Variants in INSL6 observed in about 807,000 individuals in gnomAD.
The protein encoded by INSL6 is insulin like 6, also known as insulin-like peptide INSL6.
Under a neutral mutation model 9.4 loss-of-function variants are expected in INSL6, and 16 were observed. The ratio of observed to expected loss-of-function variants is 1.70; its 90% confidence interval spans 1.15 to 2.59. The LOEUF (loss-of-function observed/expected upper bound fraction) is 2.59, where lower values mean the gene tolerates loss of function less well. Ranked by LOEUF, INSL6 falls within the 30% of genes most tolerant of loss-of-function variation. The probability of loss-of-function intolerance (pLI) is 0.00; values close to 1 mark genes in which losing one functional copy is unlikely to be tolerated. For missense variants in INSL6, 391 were observed against 257.3 expected, an observed-to-expected ratio of 1.52 and a Z score of -3.56; for synonymous variants, 154 against 96.9, an observed-to-expected ratio of 1.59 and a Z score of -3.46.
the INSL6 span, among the ~76,000 whole-genome samples, chr9:5,064,284 C>G: frequency 2.0e-5 from 3 of 152,160 alleles, no homozygotes; most frequent in African/African-American, 7.2e-5. Flanking sequence ...AACCCCAACA[C>G]TTTGGGAGAC....
the INSL6 span, among the ~76,000 whole-genome samples, chr9:5,042,201 A>G: frequency 1.5e-4 from 21 of 143,906 alleles, no homozygotes; most frequent in Non-Finnish European, 2.7e-4. Flanking sequence ...GCAGTGGCGC[A>G]ATCTCGGCTC....
At chr9:5,090,591 T>C in the INSL6 span, 5 of 1,551,866 alleles carry the variant, frequency 3.2e-6, no homozygotes, top group African/African-American at 5.5e-5. Context: ...TCCTGATTAT[T>C]TGCTGTAGAT....
At chr9:5,040,393 G>GC in the INSL6 span, among the ~76,000 whole-genome samples, 1 of 152,004 alleles carries the variant, frequency 6.6e-6, no homozygotes, top group African/African-American at 2.4e-5. Flanking sequence ...CTTAGATTAG[G>GC]CAGTGGTTTC....
the INSL6 span, chr9:5,107,851 A>C: frequency 6.6e-6 from 1 of 152,186 alleles, no homozygotes; most frequent in Non-Finnish European, 1.5e-5. Context: ...GTGAAGCCGC[A>C]GTGGGCCTTG....
chr9:5,127,351 C>T (rs183352264), intron 3 of INSL6: 490 of 231,860 alleles, frequency 2.1e-3, no homozygotes, highest in African/African-American at 0.01. Flanking sequence ...TCATTTATAT[C>T]GCTGGCCAGC....
the INSL6 span, among the ~76,000 whole-genome samples, chr9:5,057,505 T>C: frequency 1.3e-5 from 2 of 151,876 alleles, no homozygotes; most frequent in African/African-American, 2.4e-5. Context: ...TCTTGCAAAA[T>C]TGAAGTCTAC....
At chr9:5,013,620 C>G in the INSL6 span, among the ~76,000 whole-genome samples, 202 of 152,262 alleles carry the variant, frequency 1.3e-3, 1 homozygote, top group African/African-American at 4.0e-3. Flanking sequence ...ATGCTTTTCT[C>G]CCTGCCAATA....
chr9:5,179,026 T>A (rs1825382367), intron 1 of INSL6, among the ~76,000 whole-genome samples: 1 of 137,374 alleles, frequency 7.3e-6, no homozygotes, highest in Admixed American at 7.2e-5. Context: ...TTAATTAAAC[T>A]AAAGGGCTTC....
chr9:5,098,788 G>C, the INSL6 span: 2 of 151,816 alleles, frequency 1.3e-5, no homozygotes, highest in African/African-American at 4.8e-5. Context: ...CTGCCTCCCG[G>C]GTTCACGCCA....
chr9:5,009,333 A>G, the INSL6 span, among the ~76,000 whole-genome samples: 2 of 152,188 alleles, frequency 1.3e-5, no homozygotes, highest in Admixed American at 6.5e-5. Context: ...AATATCCACA[A>G]AATTGTGTAT....
At chr9:5,027,803 A>G in the INSL6 span, among the ~76,000 whole-genome samples, 1 of 152,202 alleles carries the variant, frequency 6.6e-6, no homozygotes, top group South Asian at 2.1e-4. Flanking sequence ...ATCCATAAAA[A>G]GCAATTCCTT....
the INSL6 span, among the ~76,000 whole-genome samples, chr9:5,087,678 G>A: frequency 6.6e-6 from 1 of 152,206 alleles, no homozygotes; most frequent in Admixed American, 6.5e-5. Flanking sequence ...GCAGGGATGT[G>A]ATAAAATATA....
At chr9:5,016,968 G>T in the INSL6 span, among the ~76,000 whole-genome samples, 1 of 152,178 alleles carries the variant, frequency 6.6e-6, no homozygotes, top group Non-Finnish European at 1.5e-5. Context: ...TAGATTAAAA[G>T]TATGTAGTCA....
At chr9:5,169,707 C>G (rs1825136019) in intron 1 of INSL6, among the ~76,000 whole-genome samples, 1 of 152,134 alleles carries the variant, frequency 6.6e-6, no homozygotes, top group Admixed American at 6.5e-5. Context: ...CAGAAAACAG[C>G]AAGGGTTGCA....
Position 5,164,494 on chromosome 9 carries a change from T to C in INSL6, c.290-229A>G, listed in dbSNP as rs565108856. Among the ~76,000 whole-genome samples, 25 of 152,362 alleles carry C rather than the reference T, an allele frequency of 1.6e-4. 1 individual carries two copies. Among genetic ancestry groups the C allele is most frequent in the Admixed American group, 1.1e-3 (17 of 15,308 alleles). On this transcript the variant is annotated intron_variant, in intron 1 of 1. Coordinates refer to ENST00000381641, the MANE Select transcript of INSL6 (RefSeq NM_007179.3). ...ACATTTTTGTATTAACAATTTGAGATATCATTCACATGCTATAAAATTAGT... is the reference window on the plus strand; with the variant it reads ...ACATTTTTGTATTAACAATTTGAGACATCATTCACATGCTATAAAATTAGT...
intron 1 of INSL6, among the ~76,000 whole-genome samples, chr9:5,182,943 T>G (rs1825491700): frequency 6.6e-6 from 1 of 152,158 alleles, no homozygotes. Context: ...AAAAAAAGCA[T>G]TTTTTAATAG....
the INSL6 span, among the ~76,000 whole-genome samples, chr9:5,074,135 A>T: frequency 1.3e-5 from 2 of 152,180 alleles, no homozygotes; most frequent in Non-Finnish European, 2.9e-5. Flanking sequence ...AATTATGAAG[A>T]CAAAGCATAT....
At chr9:5,077,681 TG>T in the INSL6 span, 9 of 648,176 alleles carry the variant, frequency 1.4e-5, no homozygotes, top group African/African-American at 1.9e-5. Flanking sequence ...TGTAATTGGA[TG>T]CCAATTCATG....
chr9:5,059,938 T>G, the INSL6 span, among the ~76,000 whole-genome samples: 3 of 152,178 alleles, frequency 2.0e-5, no homozygotes, highest in Non-Finnish European at 4.4e-5. Context: ...ATTCTAAGTC[T>G]TTTGTAGGAT....
Sources: allele counts gnomAD v4.1 joint callset (sites outside exome capture counted in the v4.1 genomes callset), GRCh38; gene constraint gnomAD v4.1.1; transcripts MANE v1.5; gene names NCBI Gene and HGNC (gene_info 2026-07-23, HGNC 2026-07-21).